CALN1: variants seen among roughly 807,000 people sequenced by gnomAD.
CALN1 encodes the protein calneuron 1.
Under a neutral mutation model 30.6 loss-of-function variants are expected in CALN1, and 17 were observed. That is an observed-to-expected ratio of 0.56 (90% confidence interval 0.38 to 0.83). CALN1 has a LOEUF of 0.83. CALN1 is among the 40% of genes least tolerant of loss of function. The pLI, the probability that CALN1 is intolerant of heterozygous loss-of-function variation, is 0.00. For missense variants in CALN1, 291 were observed against 354.9 expected (o/e 0.82, Z 1.45); for synonymous variants, 156 against 131.4 (o/e 1.19, Z -1.28).
At chr7:72,402,463 G>C (rs1217659681) in intron 2 of CALN1, among the ~76,000 whole-genome samples, 1 of 152,144 alleles carries the variant, frequency 6.6e-6, no homozygotes, top group Non-Finnish European at 1.5e-5. Flanking sequence ...ATCCCATTCT[G>C]AACAGCCTTA....
rs1274796332 is a variant in CALN1 at position 71,813,800 on chromosome 7, G to A, written c.502-3308C>T. Among the ~76,000 whole-genome samples, 6 of 151,854 alleles carry A rather than the reference G, an allele frequency of 4.0e-5. No homozygotes were observed. The East Asian group carries it at 7.8e-4, about 20-fold the overall frequency. On this transcript the variant is annotated intron_variant, in intron 5 of 6. Transcript: ENST00000395275. ...AAAAAAATTAGCCGGGCATGGTGGC[G>A]GGCGCCTGTAGTCCCAGCTACTCAG...
intron 3 of CALN1, among the ~76,000 whole-genome samples, chr7:72,184,813 G>A (rs981545006): frequency 6.7e-6 from 1 of 150,112 alleles, no homozygotes; most frequent in African/African-American, 2.5e-5. Flanking sequence ...TTTTTTTTTA[G>A]AGACAGCCTT....
Position 72,103,232 on chromosome 7 carries a change from C to T in CALN1, c.388+2919G>A, listed in dbSNP as rs75886250. ...CTACATACTCCTCTCCTGGATATGC[C>T]CACCAATCACCTGGATATTGAGACC... On this transcript the variant is annotated intron_variant, in intron 4 of 6. Transcript: ENST00000395275. 4.7e-3 allele frequency: 777 copies of T among 165,742 alleles called. 4 individuals are homozygous for T. Among genetic ancestry groups the T allele is most frequent in the African/African-American group, 0.018 (739 of 41,786 alleles). The allele number at this position is 165,742 out of a possible 1,614,324, so 10.3% of individuals were successfully genotyped here.
chr7:71,836,986 C>A (rs1245515272), intron 5 of CALN1, among the ~76,000 whole-genome samples: 1 of 149,188 alleles, frequency 6.7e-6, no homozygotes, highest in Non-Finnish European at 1.5e-5. Context: ...AATCCCAGCA[C>A]TTTGGGAGGC....
At chr7:72,371,415 C>A (rs1482859727) in intron 2 of CALN1, among the ~76,000 whole-genome samples, 1 of 152,142 alleles carries the variant, frequency 6.6e-6, no homozygotes, top group Non-Finnish European at 1.5e-5. Context: ...GGAGCACTTA[C>A]CCTCATGCTG....
At chr7:72,495,773 T>G in the CALN1 span, among the ~76,000 whole-genome samples, 1 of 152,238 alleles carries the variant, frequency 6.6e-6, no homozygotes, top group African/African-American at 2.4e-5. Flanking sequence ...AGCTGATGGA[T>G]AGAAAGCCAC....
At chr7:72,205,557 T>TATATATATATATACAC (rs1791788699) in intron 3 of CALN1, among the ~76,000 whole-genome samples, 1 of 109,932 alleles carries the variant, frequency 9.1e-6, no homozygotes, top group African/African-American at 4.3e-5. Flanking sequence ...AAAAAATATA[T>TATATATATATATACAC]ATATATATAT....
intron 1 of CALN1, among the ~76,000 whole-genome samples, chr7:72,409,043 T>G (rs1018848531): frequency 6.6e-6 from 1 of 151,724 alleles, no homozygotes; most frequent in Non-Finnish European, 1.5e-5. Context: ...TGGCCCACAC[T>G]AGACTGCAGT....
At chr7:72,158,577 G>C (rs1787885516) in intron 3 of CALN1, among the ~76,000 whole-genome samples, 2 of 152,188 alleles carry the variant, frequency 1.3e-5, no homozygotes, top group Non-Finnish European at 2.9e-5. Context: ...ACTGAGACCT[G>C]AGAGTAAGGC....
chr7:72,229,546 T>A (rs950167576), intron 3 of CALN1, among the ~76,000 whole-genome samples: 4 of 151,992 alleles, frequency 2.6e-5, no homozygotes, highest in Non-Finnish European at 5.9e-5. Flanking sequence ...TGCCCATCAA[T>A]GATAAACTGG....
chr7:72,097,965 C>T (rs1177208326), intron 4 of CALN1, among the ~76,000 whole-genome samples: 1 of 152,180 alleles, frequency 6.6e-6, no homozygotes, highest in African/African-American at 2.4e-5. Context: ...CCACCCGCCT[C>T]GGCCTCACAA....
chr7:71,780,635 G>T lies in CALN1; in HGVS notation c.*7140C>A, dbSNP rs2240977. ...AAAGATCACGACTCTCTTCTTTCTG[G>T]GGTATTAGGAATAATTACAAGCTAC... On this transcript the variant is annotated 3_prime_UTR_variant, in exon 7 of 7. Coordinates refer to ENST00000395275, the MANE Select transcript of CALN1 (RefSeq NM_031468.4). 6.6e-6 allele frequency: 1 copy of T among 151,668 alleles called. No homozygotes were observed. The highest frequency in any genetic ancestry group is 1.5e-5 in the Non-Finnish European group (1 of 67,960). The allele number at this position is 151,668 out of a possible 1,614,324, so 9.4% of individuals were successfully genotyped here. A position where few individuals can be genotyped will look rare whatever the true frequency, so the allele number is the denominator to read the frequency against.
intron 3 of CALN1, among the ~76,000 whole-genome samples, chr7:72,183,061 T>C (rs1253067993): frequency 6.6e-6 from 1 of 152,070 alleles, no homozygotes; most frequent in Non-Finnish European, 1.5e-5. Flanking sequence ...TTTGGGGTGT[T>C]TGTTGTTTGT....
At chr7:72,246,522 C>A (rs758561535) in intron 3 of CALN1, among the ~76,000 whole-genome samples, 2 of 151,984 alleles carry the variant, frequency 1.3e-5, no homozygotes, top group African/African-American at 4.8e-5. Flanking sequence ...ATTCCGTGAT[C>A]AAAACTCATC....
intron 6 of CALN1, among the ~76,000 whole-genome samples, chr7:71,809,434 C>T (rs1787805490): frequency 8.7e-6 from 1 of 114,510 alleles, no homozygotes; most frequent in African/African-American, 3.5e-5. Context: ...GACAGCTTCC[C>T]AACTATGTAT....
chr7:72,290,867 T>C (rs1170992381), intron 2 of CALN1, among the ~76,000 whole-genome samples: 1 of 152,172 alleles, frequency 6.6e-6, no homozygotes, highest in African/African-American at 2.4e-5. Flanking sequence ...ACACCTCTTA[T>C]TTTTCACTGA....
intron 4 of CALN1, among the ~76,000 whole-genome samples, chr7:72,078,077 A>C (rs1237544894): frequency 6.6e-6 from 1 of 152,212 alleles, no homozygotes; most frequent in Non-Finnish European, 1.5e-5. Context: ...AAATGAGGGA[A>C]GAATCTATTC....
At chr7:72,500,292 TTTTTTTTTG>T in the CALN1 span, among the ~76,000 whole-genome samples, 3 of 93,444 alleles carry the variant, frequency 3.2e-5, no homozygotes, top group African/African-American at 1.4e-4. Flanking sequence ...TTTTTTTTTT[TTTTTTTTTG>T]AGACAGTCTC....
chr7:72,017,593 T>C (rs939364263), intron 5 of CALN1, among the ~76,000 whole-genome samples: 4 of 152,082 alleles, frequency 2.6e-5, no homozygotes, highest in African/African-American at 9.7e-5. Flanking sequence ...TGCCCAAAAG[T>C]CCTGAGCATG....
Sources: gnomAD v4.1 joint callset for allele counts (sites outside exome capture counted in the v4.1 genomes callset) on GRCh38, gnomAD v4.1.1 for gene constraint, MANE v1.5 for transcripts, NCBI Gene and HGNC (gene_info 2026-07-23, HGNC 2026-07-21) for gene names.